Variants in NCF2 observed in about 807,000 individuals in gnomAD.
NCF2 encodes neutrophil cytosolic factor 2, also known as neutrophil cytosol factor 2.
A neutral mutation model predicts 70.9 loss-of-function variants in NCF2; 45 were observed. The observed-to-expected ratio is 0.63, with a 90% CI of 0.50 to 0.81. The LOEUF is 0.81. Among genes scored for constraint, NCF2 ranks in the 40% least tolerant of loss-of-function variants. NCF2 has a pLI of 0.00. For missense variants in NCF2, 522 were observed against 631.6 expected, an observed-to-expected ratio of 0.83 and a Z score of 1.86; for synonymous variants, 203 against 233.6, an observed-to-expected ratio of 0.87 and a Z score of 1.19.
intron 2 of NCF2, among the ~76,000 whole-genome samples, chr1:183,584,466 T>G (rs1285783692): frequency 6.6e-6 from 1 of 152,228 alleles, no homozygotes; most frequent in Admixed American, 6.5e-5. Flanking sequence ...ATATTACCAA[T>G]CACAGATTAA....
chr1:183,594,371 T>C (rs558441636), upstream of NCF2, among the ~76,000 whole-genome samples: 5 of 152,342 alleles, frequency 3.3e-5, 1 homozygote, highest in South Asian at 6.2e-4. Context: ...ATCACGCCAC[T>C]GCATTCCAGC....
chr1:183,558,197 A>C (rs1671878751), intron 14 of NCF2, among the ~76,000 whole-genome samples: 1 of 151,458 alleles, frequency 6.6e-6, no homozygotes, highest in Non-Finnish European at 1.5e-5. Flanking sequence ...TTTTTAATTA[A>C]TTGCTACACA....
the NCF2 span, among the ~76,000 whole-genome samples, chr1:183,599,484 C>CTTTCT: frequency 0.056 from 2,261 of 40,656 alleles, 45 homozygotes; most frequent in African/African-American, 0.11. Context: ...CTTTCTTTCT[C>CTTTCT]TTTTCTTTCT....
intron 7 of NCF2, among the ~76,000 whole-genome samples, chr1:183,568,326 T>C (rs1314468013): frequency 6.6e-6 from 1 of 151,820 alleles, no homozygotes; most frequent in Admixed American, 6.6e-5. Flanking sequence ...GTCACCACAC[T>C]CAGCTAATTT....
chr1:183,560,180 C>G lies in NCF2; in HGVS notation c.1384G>C (p.Val462Leu). ...GCCTCATAACTGAAGAGTGCCTCCA[C>G]TTGGCTGCCTTTCTTAAGCTGAGGT... ...TEPQLKKGSQ[V>L]EALFSYEATQ... is the part of the protein sequence containing the mutation. Residue 462 changes from valine to leucine, a missense_variant, in exon 14 of 15, where the codon GTG becomes CTG. Val to Leu is a conservative substitution (Grantham distance 32, BLOSUM62 1). Transcript: ENST00000367535. The G allele has an allele frequency of 6.2e-7, 1 of 1,614,204 alleles. No homozygotes were observed. The highest frequency in any genetic ancestry group is 8.5e-7 in the Non-Finnish European group (1 of 1,180,046).
intron 3 of NCF2, among the ~76,000 whole-genome samples, chr1:183,575,173 TA>T (rs1179626807): frequency 1.3e-5 from 2 of 152,168 alleles, no homozygotes; most frequent in East Asian, 3.9e-4. Flanking sequence ...GTAACAAGAC[TA>T]ATGTAGCAAC....
chr1:183,591,429 T>A (rs1420178667), upstream of NCF2, among the ~76,000 whole-genome samples: 1 of 152,152 alleles, frequency 6.6e-6, no homozygotes, highest in Admixed American at 6.5e-5. Flanking sequence ...CATTAACAAA[T>A]TTTTGAGACA....
At chr1:183,574,403 T>C in intron 4 of NCF2, 84 bp downstream of exon 4, 1 of 1,593,266 alleles carries the variant, frequency 6.3e-7, no homozygotes, top group Non-Finnish European at 8.6e-7. Context: ...AGCACCACTT[T>C]TATGGCTTCT....
intron 6 of NCF2, among the ~76,000 whole-genome samples, chr1:183,569,908 T>C (rs1672472379): frequency 6.6e-6 from 1 of 152,170 alleles, no homozygotes; most frequent in African/African-American, 2.4e-5. Context: ...GTATTTAAAA[T>C]TGACACAGGA....
chr1:183,556,072 A>G lies in NCF2; in HGVS notation c.*46T>C. 6.7e-7 allele frequency: 1 copy of G among 1,502,402 alleles called. No homozygotes were observed. Among genetic ancestry groups the G allele is most frequent in the Non-Finnish European group, 9.3e-7 (1 of 1,078,292 alleles). The allele number at this position is 1,502,402 out of a possible 1,614,324, so 93.1% of individuals were successfully genotyped here. A position where few individuals can be genotyped will look rare whatever the true frequency, so the allele number is the denominator to read the frequency against. ...AGAAGGGTGCTAAATCTTACAAACA[A>G]GTAATAGGGCTTCATTTTCTTCAGC... is the stretch of plus-strand genomic sequence containing the variant. On this transcript the variant is annotated 3_prime_UTR_variant, in exon 15 of 15. Coordinates refer to ENST00000367535, the MANE Select transcript of NCF2 (RefSeq NM_000433.4).
At chr1:183,593,129 A>AAGGCTTAGCACCTCAGAT (rs1673716823), upstream of NCF2, among the ~76,000 whole-genome samples, 1 of 151,548 alleles carries the variant, frequency 6.6e-6, no homozygotes, top group Non-Finnish European at 1.5e-5. Context: ...ATGTGCATGC[A>AAGGCTTAGCACCTCAGAT]AGTCTTAGCA....
Position 183,570,819 on chromosome 1 carries a change from A to G in NCF2, c.630T>C (p.Asp210=). The G allele has an allele frequency of 6.2e-7, 1 of 1,614,178 alleles. No homozygotes were observed. Among genetic ancestry groups the G allele is most frequent in the Non-Finnish European group, 8.5e-7 (1 of 1,180,022 alleles). ...GGGCAAACCCAGAGAAACTGTCTTG[A>G]TCCACCACAGATGCCACGACCTAAA... ...GKATVVASVV[D]QDSFSGFAPL... The change falls in exon 6 of 15, where the codon GAT becomes GAC. Residue 210 remains aspartate (D), a synonymous_variant. Coordinates refer to ENST00000367535, the MANE Select transcript of NCF2 (RefSeq NM_000433.4).
chr1:183,588,764 G>A (rs549537701), intron 1 of NCF2, among the ~76,000 whole-genome samples: 14 of 152,214 alleles, frequency 9.2e-5, no homozygotes, highest in Non-Finnish European at 2.1e-4. Context: ...GGAATGAGAA[G>A]GCTAGAAGCA....
rs1439247206 is a variant in NCF2, at chr1:183,577,696, G to A, written c.269C>T (p.Ala90Val). The A allele has an allele frequency of 1.9e-6, 3 of 1,609,998 alleles. No homozygotes were observed. Among genetic ancestry groups the A allele is most frequent in the Non-Finnish European group, 2.6e-6 (3 of 1,176,214 alleles). The change falls in exon 3 of 15, where the codon GCT becomes GTT. Residue 90 changes from alanine (A) to valine (V), a missense_variant. By Grantham distance (64) the Ala-to-Val change is moderately conservative. Transcript: ENST00000367535. ...LYYQTEKYDL[A>V]IKDLKEALIQ... ...CAAGGCTTCTTTAAGGTCTTTGATA[G>A]CCAAATCATATCTGCAGGACAGAGG...
intron 3 of NCF2, among the ~76,000 whole-genome samples, chr1:183,575,854 G>A (rs2102908872): frequency 6.6e-6 from 1 of 152,288 alleles, no homozygotes; most frequent in South Asian, 2.1e-4. Context: ...ATTAGTGGCT[G>A]GTGCTGAATG....
At chr1:183,558,787 A>T (rs895203079) in intron 14 of NCF2, among the ~76,000 whole-genome samples, 2 of 150,306 alleles carry the variant, frequency 1.3e-5, no homozygotes, top group Admixed American at 6.6e-5. Context: ...TTGGTCTTCA[A>T]CTCCTGGCCT....
rs1211056275 is a variant in NCF2, at chr1:183,556,233, G to GAT, written c.1469-5_1469-4dup. 3.7e-6 allele frequency: 6 copies of GAT among 1,612,070 alleles called. No homozygotes were observed. The highest frequency in any genetic ancestry group is 3.3e-5 in the South Asian group (3 of 91,054). Reference sequence around the variant, plus strand: ...CCCTTCCAGCCATTCTTCATTCACTGATAAAAGGAAAAGTACACATGGATT... The same window carrying GAT: ...CCCTTCCAGCCATTCTTCATTCACTGATATAAAAGGAAAAGTACACATGGATT... On this transcript the variant is annotated splice_region_variant and splice_polypyrimidine_tract_variant and intron_variant, in intron 14 of 14. Transcript: ENST00000367535.
In NCF2 at chr1:183,567,094, C is replaced by A. The variant is rs1174090178; in HGVS notation, c.856-106G>T. 6 of 1,607,236 alleles carry A rather than the reference C, an allele frequency of 3.7e-6. No homozygotes were observed. The African/African-American group carries it at 4.0e-5, about 11-fold the overall frequency. ...TCCTGGGGAAGGGATGACGAACAGA[C>A]AAAAGAACTTGGCTGGTCTGCAAAG... On this transcript the variant is annotated intron_variant, in intron 8 of 14. Transcript: ENST00000367535.
rs1365509267 is a variant in NCF2 at position 183,574,558 on chromosome 1, A to G, written c.430T>C (p.Leu144=). 2.5e-6 allele frequency: 4 copies of G among 1,614,178 alleles called. No individual in the cohort carries two copies. Among genetic ancestry groups the G allele is most frequent in the Non-Finnish European group, 3.4e-6 (4 of 1,180,022 alleles). Residue 144 remains leucine (L), a synonymous_variant, in exon 4 of 15, where the codon TTA becomes CTA. Transcript: ENST00000367535. ...GACTTCATGCTCGTGGCCAATGCTA[A>G]CTGTTCTTCAGCTTTTTTCCATTCC... The part of the protein sequence containing the change: ...KEEWKKAEEQ[L]ALATSMKSEP...
Sources: allele counts gnomAD v4.1 joint callset (sites outside exome capture counted in the v4.1 genomes callset), GRCh38; gene constraint gnomAD v4.1.1; transcripts MANE v1.5; gene names NCBI Gene and HGNC (gene_info 2026-07-23, HGNC 2026-07-21).